Variants in AGBL1 observed in about 807,000 individuals in gnomAD.
AGBL1 encodes cytosolic carboxypeptidase 4.
In AGBL1, 130 loss-of-function variants were observed where a neutral mutation model predicts 118.9. The ratio of observed to expected loss-of-function variants is 1.09; its 90% confidence interval spans 0.95 to 1.26. The LOEUF is 1.26. Among genes scored for constraint, AGBL1 ranks in the 50% most tolerant of loss-of-function variants. AGBL1 has a pLI of 0.00. For missense variants in AGBL1, 1,584 were observed against 1,298.1 expected (o/e 1.22, Z -3.38); for synonymous variants, 555 against 478.9 (o/e 1.16, Z -2.08).
Position 86,588,378 on chromosome 15 carries a change from T to C in AGBL1, c.2994+33841T>C, listed in dbSNP as rs141941347. On this transcript the variant is annotated intron_variant, in intron 21 of 22. Coordinates refer to ENST00000614907, the MANE Select transcript of AGBL1 (RefSeq NM_001386094.1). ...AGGATTCAGCCAGTAGTAATTCTACTGTCCTAAACAACGAGATATGCCTCC... is the reference window on the plus strand; with the variant it reads ...AGGATTCAGCCAGTAGTAATTCTACCGTCCTAAACAACGAGATATGCCTCC... Among the ~76,000 whole-genome samples, 268 of 152,320 alleles carry C rather than the reference T, an allele frequency of 1.8e-3. 6 individuals are homozygous for C. The South Asian group carries it at 0.035, about 20-fold the overall frequency.
Position 86,247,726 on chromosome 15 carries a change from G to A in AGBL1, c.582G>A (p.Leu194=), listed in dbSNP as rs1236673340. The A allele has an allele frequency of 1.9e-6, 3 of 1,613,496 alleles. No individual in the cohort carries two copies. The highest frequency in any genetic ancestry group is 4.5e-5 in the East Asian group (2 of 44,878). The part of the protein sequence containing the change: ...NRGYVTSLLG[L]HQDWHSHDTA... ...GCTACGTCACCAGCCTGCTCGGGCT[G>A]CACCAGGACTGGCACAGCCATGACA... Residue 194 remains leucine (L), a synonymous_variant, in exon 7 of 23, where the codon CTG becomes CTA. Transcript: ENST00000614907.
At chr15:86,683,390 A>C (rs2085996757) in intron 22 of AGBL1, among the ~76,000 whole-genome samples, 1 of 152,188 alleles carries the variant, frequency 6.6e-6, no homozygotes, top group South Asian at 2.1e-4. Context: ...AGAGAAAAAG[A>C]TTGCACATGC....
chr15:86,293,493 G>T (rs1204235946), intron 16 of AGBL1, among the ~76,000 whole-genome samples: 1 of 152,172 alleles, frequency 6.6e-6, no homozygotes, highest in Admixed American at 6.6e-5. Context: ...AGCCAGGAAA[G>T]GGCCTCTGCT....
At chr15:86,872,931 C>T (rs978652021) in intron 22 of AGBL1, among the ~76,000 whole-genome samples, 2 of 152,166 alleles carry the variant, frequency 1.3e-5, no homozygotes, top group Admixed American at 6.5e-5. Flanking sequence ...ATGTTATACA[C>T]GTCATCTTGC....
intron 22 of AGBL1, among the ~76,000 whole-genome samples, chr15:86,696,143 T>C (rs1466027961): frequency 6.6e-6 from 1 of 152,012 alleles, no homozygotes; most frequent in African/African-American, 2.4e-5. Flanking sequence ...CTTTGTTGAC[T>C]TTCTGTTTTG....
intron 23 of AGBL1, among the ~76,000 whole-genome samples, chr15:86,925,729 T>A (rs547697828): frequency 1.2e-3 from 175 of 149,330 alleles, no homozygotes; most frequent in African/African-American, 3.5e-3. Flanking sequence ...TCTTTTTTTT[T>A]TTTTTTATTT....
chr15:86,745,210 C>T (rs1318690566), intron 22 of AGBL1, among the ~76,000 whole-genome samples: 4 of 151,996 alleles, frequency 2.6e-5, no homozygotes, highest in Non-Finnish European at 2.9e-5. Context: ...GAAATAATTG[C>T]TATTTGCTGA....
At chr15:86,433,363 A>G (rs1030012625) in intron 18 of AGBL1, among the ~76,000 whole-genome samples, 1 of 142,950 alleles carries the variant, frequency 7.0e-6, no homozygotes, top group Admixed American at 7.6e-5. Context: ...GCATCATTCT[A>G]AATGAGCTTG....
chr15:86,490,736 G>A (rs2082767392), intron 18 of AGBL1, among the ~76,000 whole-genome samples: 1 of 152,028 alleles, frequency 6.6e-6, no homozygotes, highest in Non-Finnish European at 1.5e-5. Context: ...GTGAAGTCAT[G>A]CAAATAAAGA....
chr15:86,660,136 G>A (rs146603549), intron 21 of AGBL1, among the ~76,000 whole-genome samples: 3 of 151,732 alleles, frequency 2.0e-5, no homozygotes, highest in African/African-American at 7.3e-5. Flanking sequence ...AAGAAAGACG[G>A]TTTCCTGCAG....
At chr15:86,382,931 A>T (rs1385587508) in intron 17 of AGBL1, among the ~76,000 whole-genome samples, 1 of 152,134 alleles carries the variant, frequency 6.6e-6, no homozygotes, top group Non-Finnish European at 1.5e-5. Flanking sequence ...AAGCTTCGTG[A>T]GAGTAAAACA....
intron 18 of AGBL1, among the ~76,000 whole-genome samples, chr15:86,494,623 C>G (rs1301698148): frequency 6.6e-6 from 1 of 152,090 alleles, no homozygotes; most frequent in Non-Finnish European, 1.5e-5. Context: ...AGGCTCATGA[C>G]TTAAAAACAT....
At chr15:86,212,148 T>C (rs547222892) in intron 5 of AGBL1, among the ~76,000 whole-genome samples, 1 of 152,358 alleles carries the variant, frequency 6.6e-6, no homozygotes, top group Non-Finnish European at 1.5e-5. Flanking sequence ...CAATGATTAG[T>C]TTATTTACTC....
At chr15:87,002,976 C>A (rs62031582) in intron 24 of AGBL1, among the ~76,000 whole-genome samples, 1 of 151,992 alleles carries the variant, frequency 6.6e-6, no homozygotes, top group African/African-American at 2.4e-5. Flanking sequence ...TATTTCTTTC[C>A]CCTGACTGAT....
chr15:86,554,089 C>T (rs987680729), intron 20 of AGBL1, among the ~76,000 whole-genome samples: 3 of 151,910 alleles, frequency 2.0e-5, no homozygotes, highest in Non-Finnish European at 4.4e-5. Flanking sequence ...TGAACTCCCG[C>T]CCTCAGGTGA....
chr15:86,967,579 G>A (rs2081067507), intron 23 of AGBL1, among the ~76,000 whole-genome samples: 1 of 152,114 alleles, frequency 6.6e-6, no homozygotes, highest in Non-Finnish European at 1.5e-5. Flanking sequence ...TTATTAAATA[G>A]GGAATCGTTT....
At chr15:86,183,541 A>G (rs2077582654) in intron 5 of AGBL1, among the ~76,000 whole-genome samples, 2 of 152,292 alleles carry the variant, frequency 1.3e-5, no homozygotes, top group Middle Eastern at 3.4e-3. Context: ...TTTTTCCTCA[A>G]ATTTAAAAAC....
chr15:86,516,219 T>A (rs780013894), intron 18 of AGBL1, among the ~76,000 whole-genome samples: 1 of 152,178 alleles, frequency 6.6e-6, no homozygotes, highest in Non-Finnish European at 1.5e-5. Flanking sequence ...TTGAGTTCCG[T>A]CATCTTTGTC....
intron 22 of AGBL1, among the ~76,000 whole-genome samples, chr15:86,815,544 T>C (rs1222090513): frequency 6.6e-6 from 1 of 152,160 alleles, no homozygotes; most frequent in Non-Finnish European, 1.5e-5. Flanking sequence ...ACCACATTGA[T>C]GAAAACTGCA....
Sources: allele counts gnomAD v4.1 joint callset (sites outside exome capture counted in the v4.1 genomes callset), GRCh38; gene constraint gnomAD v4.1.1; transcripts MANE v1.5; gene names NCBI Gene and HGNC (gene_info 2026-07-23, HGNC 2026-07-21).